Variants in NRXN3 observed in about 807,000 individuals in gnomAD.
NRXN3 encodes the protein neurexin 3.
NRXN3 carries 32 observed loss-of-function variants against 137.6 expected under a neutral mutation model. The ratio of observed to expected loss-of-function variants is 0.23; its 90% CI spans 0.18 to 0.31. NRXN3 has a LOEUF of 0.31. Ranked by LOEUF, NRXN3 falls within the 10% of genes least tolerant of loss-of-function variation. The pLI, the probability that NRXN3 is intolerant of heterozygous loss-of-function variation, is 1.00. For synonymous variants in NRXN3, 798 were observed against 784.5 expected (o/e 1.02, Z -0.29); for missense variants, 1,574 against 2,062.5 (o/e 0.76, Z 4.59).
At chr14:79,167,321 C>A (rs1045519170) in intron 15 of NRXN3, among the ~76,000 whole-genome samples, 2 of 152,016 alleles carry the variant, frequency 1.3e-5, no homozygotes, top group African/African-American at 4.8e-5. Flanking sequence ...GGTTTCTTTT[C>A]TGATTGCCAG....
At chr14:78,719,452 C>A (rs1221336456) in intron 8 of NRXN3, among the ~76,000 whole-genome samples, 2 of 152,028 alleles carry the variant, frequency 1.3e-5, no homozygotes, top group Non-Finnish European at 2.9e-5. Context: ...ATGATTCTGC[C>A]TGGAAAGGGT....
chr14:79,678,271 T>C (rs2098651483), intron 17 of NRXN3, among the ~76,000 whole-genome samples: 1 of 152,168 alleles, frequency 6.6e-6, no homozygotes, highest in Non-Finnish European at 1.5e-5. Context: ...CCAACTGACA[T>C]AGCCAAACTG....
At chr14:78,820,290 T>C (rs891926436) in intron 10 of NRXN3, among the ~76,000 whole-genome samples, 1 of 149,632 alleles carries the variant, frequency 6.7e-6, no homozygotes, top group African/African-American at 2.4e-5. Flanking sequence ...TCATAAAAGA[T>C]AATATAATTT....
intron 8 of NRXN3, among the ~76,000 whole-genome samples, chr14:78,758,682 C>A (rs529530390): frequency 2.0e-5 from 3 of 152,242 alleles, no homozygotes; most frequent in African/African-American, 7.2e-5. Flanking sequence ...GGCCTTACAA[C>A]AACAGCGTAC....
intron 15 of NRXN3, among the ~76,000 whole-genome samples, chr14:79,265,231 C>CTTTTT (rs936690790): frequency 1.1e-5 from 1 of 91,912 alleles, no homozygotes; most frequent in Non-Finnish European, 2.3e-5. Context: ...GGGGGTTGCT[C>CTTTTT]TTTTTTTTTT....
chr14:78,619,894 G>A (rs1048303873), intron 4 of NRXN3, among the ~76,000 whole-genome samples: 5 of 151,914 alleles, frequency 3.3e-5, no homozygotes, highest in Admixed American at 6.6e-5. Flanking sequence ...CCTTTTTCTC[G>A]GCCATGTGAG....
At chr14:79,104,241 A>G (rs891704869) in intron 15 of NRXN3, among the ~76,000 whole-genome samples, 1 of 152,204 alleles carries the variant, frequency 6.6e-6, no homozygotes, top group Non-Finnish European at 1.5e-5. Context: ...ACATGTGGAA[A>G]CATCCACATA....
At position 78,645,013 on chromosome 14, in the gene NRXN3, G is replaced by A. The variant is rs1413627926; in HGVS notation, c.758-107G>A. 3 of 956,288 alleles carry A rather than the reference G, an allele frequency of 3.1e-6. No individual in the cohort carries two copies. In the African/African-American group the frequency reaches 5.0e-5, roughly 16 times the overall value. 59.2% of individuals were successfully genotyped at this position (956,288 alleles called of 1,614,324 possible). Reference sequence around the variant, plus strand: ...TGAAGGGAGTGCTGTGTTGGTATCAGCACAAGAACGGGGCAGTGCCCCTGC... The same window carrying A: ...TGAAGGGAGTGCTGTGTTGGTATCAACACAAGAACGGGGCAGTGCCCCTGC... On this transcript the variant is annotated intron_variant, in intron 4 of 20. Transcript: ENST00000335750.
intron 1 of NRXN3, among the ~76,000 whole-genome samples, chr14:78,207,974 T>G (rs1220660159): frequency 6.6e-6 from 1 of 152,230 alleles, no homozygotes; most frequent in African/African-American, 2.4e-5. Flanking sequence ...TAATGTAGCC[T>G]AGGCAGTGGC....
At chr14:79,642,045 A>G (rs2098436091) in intron 16 of NRXN3, among the ~76,000 whole-genome samples, 1 of 135,496 alleles carries the variant, frequency 7.4e-6, no homozygotes, top group African/African-American at 2.5e-5. Flanking sequence ...GGTGACATAA[A>G]AGTATTTTCC....
intron 8 of NRXN3, among the ~76,000 whole-genome samples, chr14:78,784,238 A>G (rs28475676): frequency 3.1e-4 from 47 of 152,324 alleles, no homozygotes; most frequent in African/African-American, 1.0e-3. Context: ...AATGGGAAAG[A>G]GCCAGCCGTG....
chr14:78,551,625 CT>C (rs1200185665), intron 4 of NRXN3, among the ~76,000 whole-genome samples: 2 of 150,588 alleles, frequency 1.3e-5, no homozygotes, highest in Non-Finnish European at 3.0e-5. Context: ...CATTTCTACT[CT>C]TTCCCCCTTT....
chr14:79,477,189 G>A (rs2096567244), intron 16 of NRXN3, among the ~76,000 whole-genome samples: 2 of 151,976 alleles, frequency 1.3e-5, no homozygotes, highest in Admixed American at 1.3e-4. Flanking sequence ...GAGCATACCT[G>A]ATGAAGATAC....
At chr14:79,515,204 G>A (rs956265105) in intron 16 of NRXN3, among the ~76,000 whole-genome samples, 3 of 150,532 alleles carry the variant, frequency 2.0e-5, no homozygotes, top group Non-Finnish European at 4.4e-5. Context: ...CAATACCTGT[G>A]AAAAGTAGGG....
chr14:78,526,417 G>A (rs1409650585), intron 4 of NRXN3, among the ~76,000 whole-genome samples: 1 of 152,222 alleles, frequency 6.6e-6, no homozygotes. Context: ...AAACGTTTCT[G>A]TGGATACGGG....
intron 15 of NRXN3, among the ~76,000 whole-genome samples, chr14:79,270,769 T>TTATCA (rs2079178905): frequency 1.3e-5 from 2 of 152,224 alleles, no homozygotes; most frequent in Admixed American, 6.5e-5. Context: ...CAAAGTATTG[T>TTATCA]TATCATAATG....
chr14:79,049,492 A>C (rs1285289894), intron 15 of NRXN3, among the ~76,000 whole-genome samples: 1 of 152,156 alleles, frequency 6.6e-6, no homozygotes, highest in East Asian at 1.9e-4. Context: ...CTTGAACCCC[A>C]TAAAGCCATC....
At chr14:79,459,210 T>A (rs1185417474) in intron 15 of NRXN3, among the ~76,000 whole-genome samples, 5 of 152,104 alleles carry the variant, frequency 3.3e-5, no homozygotes, top group Non-Finnish European at 7.4e-5. Flanking sequence ...ACCAAGATAG[T>A]AACTGTTATG....
chr14:78,908,851 A>G (rs2099227557), intron 10 of NRXN3, among the ~76,000 whole-genome samples: 1 of 152,164 alleles, frequency 6.6e-6, no homozygotes, highest in African/African-American at 2.4e-5. Context: ...TGCCCCAAAG[A>G]AATTAGCAGT....
Sources: gnomAD v4.1 joint callset for allele counts (sites outside exome capture counted in the v4.1 genomes callset) on GRCh38, gnomAD v4.1.1 for gene constraint, MANE v1.5 for transcripts, NCBI Gene and HGNC (gene_info 2026-07-23, HGNC 2026-07-21) for gene names.